CYREN: variants seen among roughly 807,000 people sequenced by gnomAD.
The protein encoded by CYREN is cell cycle regulator of non-homologous end joining.
Under a neutral mutation model 9.7 loss-of-function variants are expected in CYREN, and 7 were observed. The ratio of observed to expected loss-of-function variants is 0.72; its 90% CI spans 0.41 to 1.36. The LOEUF (loss-of-function observed/expected upper bound fraction) is 1.36. Among genes scored for constraint, CYREN ranks in the 40% most tolerant of loss-of-function variants. CYREN has a pLI of 0.01. For synonymous variants in CYREN, 76 were observed against 77.9 expected (o/e 0.98, Z 0.13); for missense variants, 215 against 198.1 (o/e 1.09, Z -0.51).
intron 2 of CYREN, among the ~76,000 whole-genome samples, chr7:135,114,317 T>C (rs1240918484): frequency 3.3e-5 from 5 of 152,212 alleles, no homozygotes; most frequent in Non-Finnish European, 7.3e-5. Flanking sequence ...TTATTAATAA[T>C]GTGTGAAGGT....
At chr7:135,131,385 T>C (rs905311745) in intron 2 of CYREN, among the ~76,000 whole-genome samples, 2 of 151,980 alleles carry the variant, frequency 1.3e-5, no homozygotes, top group Non-Finnish European at 2.9e-5. Context: ...AGCACACATA[T>C]ACCTATGTAA....
At chr7:135,120,823 G>A (rs998233023) in intron 2 of CYREN, among the ~76,000 whole-genome samples, 12 of 152,126 alleles carry the variant, frequency 7.9e-5, no homozygotes, top group Admixed American at 6.5e-4. Flanking sequence ...GATTTTAGAG[G>A]AAAGAAAATT....
At chr7:135,113,943 C>T (rs1825974462) in intron 2 of CYREN, among the ~76,000 whole-genome samples, 2 of 152,134 alleles carry the variant, frequency 1.3e-5, no homozygotes, top group Admixed American at 1.3e-4. Context: ...ATTTGGATGA[C>T]AAATGTGATA....
intron 2 of CYREN, chr7:135,168,537 C>A: frequency 1.9e-6 from 1 of 514,332 alleles, no homozygotes; most frequent in East Asian, 3.2e-5. Context: ...CATGGAGAAC[C>A]CACTCTGTGT....
In CYREN at chr7:135,094,595, G is replaced by A. The variant is rs181226435; in HGVS notation, n.357-13C>T. Reference sequence around the variant, plus strand: ...CCTCTTAGTTGCTCTGGAAAGGGGAGAAGAAGAGTAAACATTGTGAAATAC... The same window carrying A: ...CCTCTTAGTTGCTCTGGAAAGGGGAAAAGAAGAGTAAACATTGTGAAATAC... On this transcript the variant is annotated splice_polypyrimidine_tract_variant and intron_variant and non_coding_transcript_variant, in intron 2 of 2. Transcript: ENST00000459937. 1,012 of 453,870 alleles carry A rather than the reference G, an allele frequency of 2.2e-3. 10 individuals carry two copies. In the Middle Eastern group the frequency reaches 0.031, roughly 14 times the overall value. The allele number at this position is 453,870 out of a possible 1,614,324, so 28.1% of individuals were successfully genotyped here. A position where few individuals can be genotyped will look rare whatever the true frequency, so the allele number is the denominator to read the frequency against.
At chr7:135,150,098 T>A (rs1318536265) in intron 2 of CYREN, among the ~76,000 whole-genome samples, 1 of 152,230 alleles carries the variant, frequency 6.6e-6, no homozygotes, top group African/African-American at 2.4e-5. Flanking sequence ...TTGATTTTTT[T>A]ATCTGGTTTT....
chr7:135,164,730 G>GC, downstream of CYREN: 3 of 1,614,168 alleles, frequency 1.9e-6, no homozygotes, highest in Non-Finnish European at 1.7e-6. Flanking sequence ...CACCCTCTTT[G>GC]CCCCCCAGCC....
chr7:135,137,850 G>A (rs556526926), intron 2 of CYREN, among the ~76,000 whole-genome samples: 1 of 152,122 alleles, frequency 6.6e-6, no homozygotes, highest in South Asian at 2.1e-4. Context: ...CAGTCATCTT[G>A]GTTTGCAGGT....
intron 2 of CYREN, among the ~76,000 whole-genome samples, chr7:135,130,162 C>T (rs1165776339): frequency 6.6e-6 from 1 of 152,166 alleles, no homozygotes; most frequent in African/African-American, 2.4e-5. Context: ...CTCATTTACT[C>T]CATGTTAATC....
intron 2 of CYREN, among the ~76,000 whole-genome samples, chr7:135,140,586 C>A (rs1479214158): frequency 6.6e-6 from 1 of 151,960 alleles, no homozygotes; most frequent in Non-Finnish European, 1.5e-5. Context: ...GGCTAGGACT[C>A]CCAATACTAT....
At chr7:135,129,876 A>C (rs779621598) in intron 2 of CYREN, among the ~76,000 whole-genome samples, 19 of 152,188 alleles carry the variant, frequency 1.2e-4, no homozygotes, top group Non-Finnish European at 2.6e-4. Flanking sequence ...ACATTTTTTA[A>C]TGCAAGTTGA....
chr7:135,102,169 T>C (rs1176735767), intron 2 of CYREN, among the ~76,000 whole-genome samples: 1 of 152,214 alleles, frequency 6.6e-6, no homozygotes, highest in Admixed American at 6.5e-5. Context: ...GTTTAAATTA[T>C]AGTAAGTAAG....
downstream of CYREN, among the ~76,000 whole-genome samples, chr7:135,161,712 C>T (rs976581737): frequency 1.3e-5 from 2 of 152,230 alleles, no homozygotes; most frequent in African/African-American, 4.8e-5. This position sits in a 1 kb window ranked among gnomAD's most constrained non-coding sequence, Gnocchi z 4.1. Context: ...CATCATTGCT[C>T]CAAGAATCTC....
chr7:135,129,964 GTTAAAAA>G (rs1263488875), intron 2 of CYREN, among the ~76,000 whole-genome samples: 4 of 152,174 alleles, frequency 2.6e-5, no homozygotes, highest in Non-Finnish European at 5.9e-5. Context: ...GCTCTGAATA[GTTAAAAA>G]TTAAATATTT....
chr7:135,137,433 A>G (rs1221051400), intron 2 of CYREN, among the ~76,000 whole-genome samples: 1 of 152,078 alleles, frequency 6.6e-6, no homozygotes, highest in Admixed American at 6.6e-5. Context: ...GTGTAATGGG[A>G]CTACTGGAAG....
chr7:135,135,330 A>G, intron 2 of CYREN: 1 of 1,326,652 alleles, frequency 7.5e-7, no homozygotes. Flanking sequence ...AAAAGAAAAA[A>G]AGGAAAGCCC....
intron 2 of CYREN, among the ~76,000 whole-genome samples, chr7:135,153,608 A>T (rs1183901946): frequency 6.6e-6 from 1 of 152,238 alleles, no homozygotes; most frequent in African/African-American, 2.4e-5. Flanking sequence ...AAAGAACTGA[A>T]AAACCACGCA....
rs1827556769 is a variant in CYREN at position 135,124,296 on chromosome 7, A to G, written n.357-29714T>C. 3.9e-5 allele frequency among the ~76,000 whole-genome samples: 6 copies of G among 152,316 alleles called. No homozygotes were observed. The South Asian group carries it at 1.2e-3, about 32-fold the overall frequency. Reference sequence around the variant, plus strand: ...TTAAACCAACAAAATCAAAAAAGACAAAGAAGGGTATTACATAATGGTAAA... The same window carrying G: ...TTAAACCAACAAAATCAAAAAAGACGAAGAAGGGTATTACATAATGGTAAA... On this transcript the variant is annotated intron_variant and non_coding_transcript_variant, in intron 2 of 2. Coordinates refer to the CYREN transcript ENST00000459937.
At chr7:135,160,011 GTATAAAC>G (rs1169259020) in intron 2 of CYREN, among the ~76,000 whole-genome samples, 1 of 152,156 alleles carries the variant, frequency 6.6e-6, no homozygotes, top group Non-Finnish European at 1.5e-5. Context: ...AAGCATCTAT[GTATAAAC>G]TATAAACTAT....
Sources: gnomAD v4.1 joint callset for allele counts (sites outside exome capture counted in the v4.1 genomes callset) on GRCh38, gnomAD v4.1.1 for gene constraint, Gnocchi (gnomAD v3.1) non-coding constraint, MANE v1.5 for transcripts, NCBI Gene and HGNC (gene_info 2026-07-23, HGNC 2026-07-21) for gene names.